Variants in SORCS2 observed in about 807,000 individuals in gnomAD.
SORCS2 encodes sortilin related VPS10 domain containing receptor 2, also known as VPS10 domain-containing receptor SorCS2.
Under a neutral mutation model 141.6 loss-of-function variants are expected in SORCS2, and 100 were observed. The observed-to-expected ratio is 0.71, with a 90% confidence interval of 0.60 to 0.83. The LOEUF (loss-of-function observed/expected upper bound fraction) is 0.83. Among genes scored for constraint, SORCS2 ranks in the 40% least tolerant of loss-of-function variants. SORCS2 has a pLI of 0.00. For missense variants in SORCS2, 1,646 were observed against 1,560.2 expected, an observed-to-expected ratio of 1.05 and a Z score of -0.93; for synonymous variants, 789 against 676.9, an observed-to-expected ratio of 1.17 and a Z score of -2.57.
chr4:7,527,250 C>A lies in SORCS2; in HGVS notation c.549-4280C>A, dbSNP rs776469679. Among the ~76,000 whole-genome samples, 4 of 152,268 alleles carry A rather than the reference C, an allele frequency of 2.6e-5. No homozygotes were observed. In the South Asian group the frequency reaches 8.3e-4, roughly 31 times the overall value. On this transcript the variant is annotated intron_variant, in intron 2 of 26. Coordinates refer to ENST00000507866, the MANE Select transcript of SORCS2 (RefSeq NM_020777.3). ...GAGCAATGCCTCCCACAGACGTCCA[C>A]GTCCTAATCCCCGGAAACTGTGACT...
chr4:7,206,227 C>T (rs1241331349), intron 1 of SORCS2, among the ~76,000 whole-genome samples: 1 of 152,200 alleles, frequency 6.6e-6, no homozygotes, highest in East Asian at 1.9e-4. Flanking sequence ...TCTCTGGTCT[C>T]CTCCAGCCCA....
chr4:7,687,718 C>G (rs1365181243), intron 10 of SORCS2, among the ~76,000 whole-genome samples: 1 of 152,190 alleles, frequency 6.6e-6, no homozygotes, highest in Non-Finnish European at 1.5e-5. Flanking sequence ...TTTTTAACAG[C>G]TTTGTTGAGA....
chr4:7,432,478 G>A (rs1257697898), intron 2 of SORCS2: 1 of 152,086 alleles, frequency 6.6e-6, no homozygotes, highest in Admixed American at 6.5e-5. Flanking sequence ...TCAGACAGCT[G>A]GAGGGCTGTG....
intron 1 of SORCS2, among the ~76,000 whole-genome samples, chr4:7,341,543 C>T (rs1475772103): frequency 1.3e-5 from 2 of 152,188 alleles, no homozygotes; most frequent in Non-Finnish European, 2.9e-5. Flanking sequence ...GGTGCCCATG[C>T]TGCCTGGATG....
At chr4:7,519,250 A>C (rs978054557) in intron 2 of SORCS2, among the ~76,000 whole-genome samples, 1 of 152,178 alleles carries the variant, frequency 6.6e-6, no homozygotes, top group African/African-American at 2.4e-5. Flanking sequence ...GGTTATACAC[A>C]AATTCTAAAG....
intron 2 of SORCS2, among the ~76,000 whole-genome samples, chr4:7,526,009 C>T (rs1202425261): frequency 7.8e-6 from 1 of 127,858 alleles, no homozygotes; most frequent in Non-Finnish European, 1.7e-5. Context: ...GTCACCTGTC[C>T]CCTCCTCAGT....
At chr4:7,424,933 C>T (rs1726324020) in intron 2 of SORCS2, among the ~76,000 whole-genome samples, 1 of 152,268 alleles carries the variant, frequency 6.6e-6, no homozygotes, top group South Asian at 2.1e-4. Flanking sequence ...TCCCAGGACA[C>T]TGGCATGGGT....
At chr4:7,249,977 C>A (rs950143598) in intron 1 of SORCS2, among the ~76,000 whole-genome samples, 1 of 152,108 alleles carries the variant, frequency 6.6e-6, no homozygotes, top group East Asian at 1.9e-4. Context: ...CGCGGTGGCT[C>A]GTGCTTGTAA....
intron 2 of SORCS2, among the ~76,000 whole-genome samples, chr4:7,446,723 A>G (rs945223834): frequency 2.6e-5 from 4 of 152,170 alleles, no homozygotes; most frequent in Admixed American, 2.0e-4. Flanking sequence ...GGTGCACCCT[A>G]GTTTTAATGC....
At chr4:7,724,959 ATGG>A (rs1727094157) in intron 19 of SORCS2, among the ~76,000 whole-genome samples, 192 bp from the exon 20 acceptor site, 1 of 65,178 alleles carries the variant, frequency 1.5e-5, no homozygotes, top group Non-Finnish European at 3.0e-5. Context: ...GGTGTTGGTG[ATGG>A]TGGTGATAGT....
At chr4:7,572,438 T>G (rs1401143823) in intron 3 of SORCS2, among the ~76,000 whole-genome samples, 1 of 152,146 alleles carries the variant, frequency 6.6e-6, no homozygotes, top group Non-Finnish European at 1.5e-5. Context: ...TTACGTGAAT[T>G]TTTTTTGGAA....
intron 3 of SORCS2, among the ~76,000 whole-genome samples, chr4:7,608,634 A>C (rs2108805121): frequency 6.6e-6 from 1 of 152,356 alleles, no homozygotes. Context: ...TGACAGGGAC[A>C]GAGGCAGCCA....
chr4:7,740,615 A>G lies in SORCS2; in HGVS notation c.*351A>G. The G allele has an allele frequency of 2.8e-6, 1 of 352,498 alleles. No individual in the cohort carries two copies. The highest frequency in any genetic ancestry group is 2.0e-5 in the African/African-American group (1 of 49,804). The allele number at this position is 352,498 out of a possible 1,614,324, so 21.8% of individuals were successfully genotyped here. On this transcript the variant is annotated 3_prime_UTR_variant, in exon 27 of 27. Coordinates refer to ENST00000507866, the MANE Select transcript of SORCS2 (RefSeq NM_020777.3). ...CTGGTCGTCCTGGAGCCCTCCCAGT[A>G]CCTCGGGCTGCAAGAGCTGCAGACC...
At chr4:7,513,754 C>T (rs548969820) in intron 2 of SORCS2, among the ~76,000 whole-genome samples, 24 of 152,190 alleles carry the variant, frequency 1.6e-4, no homozygotes, top group Non-Finnish European at 2.9e-4. Flanking sequence ...TCCTTGGGAA[C>T]GACTTAACTC....
chr4:7,634,539 G>C (rs1720112195), intron 3 of SORCS2, among the ~76,000 whole-genome samples: 1 of 152,222 alleles, frequency 6.6e-6, no homozygotes, highest in Non-Finnish European at 1.5e-5. Context: ...ATATTTATTA[G>C]CTCATAGTGA....
At chr4:7,549,228 T>C (rs1713499293) in intron 3 of SORCS2, among the ~76,000 whole-genome samples, 1 of 152,160 alleles carries the variant, frequency 6.6e-6, no homozygotes, top group Non-Finnish European at 1.5e-5. Context: ...AAAGAAAACA[T>C]TCCTTATTTT....
chr4:7,336,974 C>T (rs551517280), intron 1 of SORCS2, among the ~76,000 whole-genome samples: 2 of 152,242 alleles, frequency 1.3e-5, no homozygotes, highest in South Asian at 2.1e-4. Context: ...CCTTTCAGCG[C>T]GGTGGTGAGG....
At chr4:7,496,763 A>G (rs945573167) in intron 2 of SORCS2, among the ~76,000 whole-genome samples, 1 of 152,106 alleles carries the variant, frequency 6.6e-6, no homozygotes, top group Non-Finnish European at 1.5e-5. Context: ...GCGGAATCCA[A>G]GGCGCCTTCA....
At position 7,734,304 on chromosome 4, in the gene SORCS2, T is replaced by C. The variant is rs1398134364; in HGVS notation, c.3241T>C (p.Trp1081Arg). Residue 1081 changes from tryptophan (W) to arginine (R), a missense_variant, in exon 25 of 27, where the codon TGG becomes CGG. By Grantham distance (101) the Trp-to-Arg change is moderately radical. Coordinates refer to ENST00000507866, the MANE Select transcript of SORCS2 (RefSeq NM_020777.3). ...GCAGCTGGGCGGCGGTGGCGGCTAC[T>C]GGGCGGTAGTGGTGCTGTTTGTCAT... ...AEQLGGGGGY[W>R]AVVVLFVIGL... is the part of the protein sequence containing the mutation. The C allele has an allele frequency of 1.2e-6, 2 of 1,603,240 alleles. No homozygotes were observed. The highest frequency in any genetic ancestry group is 1.7e-4 in the Middle Eastern group (1 of 5,976).
Sources: gnomAD v4.1 joint callset for allele counts (sites outside exome capture counted in the v4.1 genomes callset) on GRCh38, gnomAD v4.1.1 for gene constraint, MANE v1.5 for transcripts, NCBI Gene and HGNC (gene_info 2026-07-23, HGNC 2026-07-21) for gene names.